NINL: variants seen among roughly 807,000 people sequenced by gnomAD.
NINL encodes ninein like.
NINL carries 153 observed loss-of-function variants against 160.3 expected under a neutral mutation model. The observed-to-expected ratio is 0.95, with a 90% CI of 0.84 to 1.09. NINL has a LOEUF of 1.09. Among genes scored for constraint, NINL ranks in the 50% least tolerant of loss-of-function variants. The probability of loss-of-function intolerance (pLI) is 0.00; values close to 1 mark genes in which losing one functional copy is unlikely to be tolerated. For missense variants in NINL, 1,829 were observed against 1,764.0 expected, an observed-to-expected ratio of 1.04 and a Z score of -0.66; for synonymous variants, 800 against 734.8, an observed-to-expected ratio of 1.09 and a Z score of -1.43.
At chr20:25,536,106 A>G (rs1380947290) in intron 1 of NINL, among the ~76,000 whole-genome samples, 1 of 152,178 alleles carries the variant, frequency 6.6e-6, no homozygotes, top group Non-Finnish European at 1.5e-5. Flanking sequence ...GAAAGTTCAG[A>G]GCCAACCCAG....
rs770472903 is a variant in NINL, at chr20:25,489,987, T to C, written c.1486-2A>G. The C allele has an allele frequency of 1.2e-6, 2 of 1,613,668 alleles. No individual in the cohort carries two copies. Among genetic ancestry groups the C allele is most frequent in the Non-Finnish European group, 1.7e-6 (2 of 1,179,678 alleles). The stretch of plus-strand genomic sequence containing the variant: ...CTCCTTCTGTAGGCGACTGTTTTCC[T>C]AGGAGACACAGGCCAGTGGCTCATC... On this transcript the variant is annotated splice_acceptor_variant, in intron 11 of 23. Transcript: ENST00000278886. LOFTEE classifies it high-confidence loss of function.
At chr20:25,459,604 C>T (rs561456022) in intron 21 of NINL, among the ~76,000 whole-genome samples, 1 of 152,182 alleles carries the variant, frequency 6.6e-6, no homozygotes, top group Non-Finnish European at 1.5e-5. Context: ...GCATCAAGCA[C>T]ATCTACCCAC....
intron 10 of NINL, among the ~76,000 whole-genome samples, chr20:25,492,059 C>T (rs1404758040): frequency 6.6e-6 from 1 of 152,172 alleles, no homozygotes; most frequent in African/African-American, 2.4e-5. Flanking sequence ...TCAGTCTCAT[C>T]TCTTTCTGAA....
chr20:25,512,484 T>C (rs1023283079), intron 4 of NINL, among the ~76,000 whole-genome samples: 2 of 152,324 alleles, frequency 1.3e-5, no homozygotes, highest in Non-Finnish European at 2.9e-5. Context: ...CCCTGCTCTC[T>C]ATTCCTCCTT....
intron 5 of NINL, 141 bp from the exon 6 acceptor site, chr20:25,505,219 A>G: frequency 1.3e-6 from 1 of 767,536 alleles, no homozygotes; most frequent in South Asian, 2.0e-5. Flanking sequence ...ATTAGCAGAC[A>G]CAGAAAGACA....
chr20:25,490,797 G>A (rs745887842), intron 11 of NINL, among the ~76,000 whole-genome samples: 2 of 152,080 alleles, frequency 1.3e-5, no homozygotes, highest in Non-Finnish European at 2.9e-5. Flanking sequence ...TCTCCTCCCG[G>A]GAGGTGGGGC....
At chr20:25,577,371 C>T (rs1313911531) in intron 1 of NINL, among the ~76,000 whole-genome samples, 2 of 152,208 alleles carry the variant, frequency 1.3e-5, no homozygotes, top group African/African-American at 4.8e-5. Flanking sequence ...GTTTTGTCCT[C>T]CTCCCGAGCA....
chr20:25,559,978 G>A (rs1371961582), intron 1 of NINL, among the ~76,000 whole-genome samples: 1 of 152,192 alleles, frequency 6.6e-6, no homozygotes, highest in Non-Finnish European at 1.5e-5. Context: ...TGTCAGCCAG[G>A]CTGGAGTGTA....
At chr20:25,494,789 C>T (rs770811842) in intron 10 of NINL, among the ~76,000 whole-genome samples, 17 of 152,208 alleles carry the variant, frequency 1.1e-4, no homozygotes, top group African/African-American at 1.7e-4. Flanking sequence ...GAGCTGGCCC[C>T]GGACTGTGCC....
rs1263637523 is a variant in NINL, at chr20:25,476,931, A to G, written c.2360T>C (p.Leu787Pro). 6.2e-7 allele frequency: 1 copy of G among 1,612,082 alleles called. No individual in the cohort carries two copies. Among genetic ancestry groups the G allele is most frequent in the Admixed American group, 1.7e-5 (1 of 60,008 alleles). ...GCGCTTCTCGCTCGCACAGGGCTGC[A>G]GCTTCAGTGCCCTCTCCAGCTCCAG... ...EQLELERALKLQPCASEKRAQ... is the reference protein window; with the variant it reads ...EQLELERALKPQPCASEKRAQ... The change falls in exon 17 of 24, where the codon CTG becomes CCG. Residue 787 changes from leucine (L) to proline (P), a missense_variant. Coordinates refer to ENST00000278886, the MANE Select transcript of NINL (RefSeq NM_025176.6).
intron 2 of NINL, among the ~76,000 whole-genome samples, chr20:25,519,292 CATGTATTTTAT>C (rs1414635765): frequency 6.6e-6 from 1 of 152,054 alleles, no homozygotes; most frequent in Non-Finnish European, 1.5e-5. Flanking sequence ...CCTTTGTTAT[CATGTATTTTAT>C]ATGTTTTAAA....
At chr20:25,539,855 G>C (rs865916439) in intron 1 of NINL, among the ~76,000 whole-genome samples, 55 of 152,222 alleles carry the variant, frequency 3.6e-4, no homozygotes, top group African/African-American at 1.3e-3. Flanking sequence ...ACAGACCCAC[G>C]GGGCGGAGGA....
At chr20:25,483,890 C>T (rs2146606526) in intron 13 of NINL, among the ~76,000 whole-genome samples, 1 of 152,366 alleles carries the variant, frequency 6.6e-6, no homozygotes, top group African/African-American at 2.4e-5. Context: ...GGGCCTCGGT[C>T]CCCAGCCCTG....
chr20:25,581,001 G>C lies in NINL; in HGVS notation c.-12+4454C>G, dbSNP rs144337927. Among the ~76,000 whole-genome samples the C allele has an allele frequency of 1.2e-4, 18 of 152,334 alleles. No individual in the cohort carries two copies. In the East Asian group the frequency reaches 3.5e-3, roughly 29 times the overall value. On this transcript the variant is annotated intron_variant, in intron 1 of 23. Transcript: ENST00000278886. ...CACAGCGCTGGAAATGCCTTCCAGG[G>C]CAGAGGACGCTATTACCTGCAGCTA... is the stretch of plus-strand genomic sequence containing the variant.
At chr20:25,536,407 A>G (rs1237653714) in intron 1 of NINL, among the ~76,000 whole-genome samples, 1 of 152,130 alleles carries the variant, frequency 6.6e-6, no homozygotes, top group Non-Finnish European at 1.5e-5. Context: ...AATAAGAATA[A>G]ATTCATTAAA....
At chr20:25,521,600 C>T (rs1056004057) in intron 2 of NINL, among the ~76,000 whole-genome samples, 2 of 152,110 alleles carry the variant, frequency 1.3e-5, no homozygotes, top group African/African-American at 4.8e-5. Flanking sequence ...CATGCAGTGC[C>T]AGTAATCTAA....
At chr20:25,510,540 G>T in intron 5 of NINL, 134 bp downstream of exon 5, 1 of 810,746 alleles carries the variant, frequency 1.2e-6, no homozygotes, top group Non-Finnish European at 2.2e-6. Context: ...GAAGAATCCA[G>T]CGGGACACAA....
intron 1 of NINL, among the ~76,000 whole-genome samples, chr20:25,535,265 G>A (rs1294377627): frequency 7.9e-5 from 12 of 152,290 alleles, no homozygotes; most frequent in South Asian, 2.1e-4. Context: ...GGCTGGTGTC[G>A]GGGGTTGTGG....
intron 2 of NINL, among the ~76,000 whole-genome samples, chr20:25,521,475 G>A (rs1356180228): frequency 6.6e-6 from 1 of 152,150 alleles, no homozygotes; most frequent in East Asian, 1.9e-4. Flanking sequence ...TGTCTTGTTT[G>A]TTTGCCCAGC....
Sources: gnomAD v4.1 joint callset for allele counts (sites outside exome capture counted in the v4.1 genomes callset) on GRCh38, gnomAD v4.1.1 for gene constraint, MANE v1.5 for transcripts, NCBI Gene and HGNC (gene_info 2026-07-23, HGNC 2026-07-21) for gene names.